The following NETO1 variants were observed in gnomAD, a reference collection of about 807,000 sequenced individuals.
NETO1 encodes neuropilin and tolloid-like protein 1.
In NETO1, 26 loss-of-function variants were observed where a neutral mutation model predicts 61.3. The ratio of observed to expected loss-of-function variants is 0.42; its 90% CI spans 0.31 to 0.59. The LOEUF is 0.59. Ranked by LOEUF, NETO1 falls within the 20% of genes least tolerant of loss-of-function variation. The probability of loss-of-function intolerance (pLI) is 0.12; values close to 1 mark genes in which losing one functional copy is unlikely to be tolerated. For missense variants in NETO1, 531 were observed against 662.8 expected (o/e 0.80, Z 2.18); for synonymous variants, 225 against 225.8 (o/e 1.00, Z 0.03).
chr18:72,762,322 G>A (rs1014759343), intron 7 of NETO1, among the ~76,000 whole-genome samples: 11 of 151,982 alleles, frequency 7.2e-5, no homozygotes, highest in Non-Finnish European at 1.6e-4. Flanking sequence ...CACCACGCCC[G>A]GCTAAACTGA....
At chr18:72,827,500 A>C (rs2073419256) in intron 4 of NETO1, among the ~76,000 whole-genome samples, 2 of 152,314 alleles carry the variant, frequency 1.3e-5, no homozygotes, top group South Asian at 4.1e-4. Context: ...AAATTTGAGA[A>C]ACAAGATTGC....
rs547747057 is a variant in NETO1 at position 72,846,089 on chromosome 18, A to T, written c.469+12737T>A. On this transcript the variant is annotated intron_variant, in intron 4 of 10. Transcript: ENST00000327305. The stretch of plus-strand genomic sequence containing the variant: ...CTGTATCTGGATTTTTTTCCAGAAA[A>T]TGTGAGAGCAAACCAAAAAAATAAA... Among the ~76,000 whole-genome samples the T allele has an allele frequency of 7.9e-5, 12 of 152,006 alleles. No homozygotes were observed. The East Asian group carries it at 2.3e-3, about 30-fold the overall frequency.
chr18:72,789,075 C>G (rs1263070266), intron 6 of NETO1, among the ~76,000 whole-genome samples: 1 of 152,000 alleles, frequency 6.6e-6, no homozygotes, highest in Non-Finnish European at 1.5e-5. Flanking sequence ...TCTGAATTTT[C>G]TATTTTATTA....
intron 4 of NETO1, among the ~76,000 whole-genome samples, chr18:72,822,143 C>A (rs1228096553): frequency 6.6e-6 from 1 of 152,188 alleles, no homozygotes; most frequent in Non-Finnish European, 1.5e-5. Context: ...TCAGCCCTGA[C>A]TTTTCCTTAC....
At chr18:72,867,239 C>T (rs1169570986) in intron 1 of NETO1, 25 bp downstream of exon 1, 7 of 1,530,514 alleles carry the variant, frequency 4.6e-6, no homozygotes, top group East Asian at 5.0e-5. Context: ...CGGGAGCGCA[C>T]GGGCGCGGCG....
intron 6 of NETO1, among the ~76,000 whole-genome samples, chr18:72,787,122 T>C (rs1213183657): frequency 6.7e-6 from 1 of 149,104 alleles, no homozygotes; most frequent in African/African-American, 2.5e-5. Flanking sequence ...CTGAAAACAC[T>C]GTAAAAATCA....
At chr18:72,852,290 C>T (rs1027589992) in intron 4 of NETO1, among the ~76,000 whole-genome samples, 2 of 152,212 alleles carry the variant, frequency 1.3e-5, no homozygotes, top group African/African-American at 4.8e-5. Context: ...TCTCGGCTCA[C>T]TGCAACCTCC....
intron 4 of NETO1, among the ~76,000 whole-genome samples, chr18:72,804,696 T>G (rs980422981): frequency 8.5e-5 from 13 of 152,186 alleles, no homozygotes; most frequent in African/African-American, 3.1e-4. Flanking sequence ...GAACAGGTCA[T>G]GAGCACACGT....
chr18:72,756,662 A>C (rs1057094060), intron 7 of NETO1, among the ~76,000 whole-genome samples: 77 of 152,112 alleles, frequency 5.1e-4, no homozygotes, highest in Non-Finnish European at 1.0e-3. Context: ...ATCATGAAAA[A>C]ATTAATCCTG....
intron 4 of NETO1, among the ~76,000 whole-genome samples, chr18:72,823,819 T>C (rs2073288653): frequency 6.6e-6 from 1 of 152,190 alleles, no homozygotes; most frequent in Admixed American, 6.5e-5. Flanking sequence ...TCTGCCTTCT[T>C]GCCACAAAGA....
Position 72,862,214 on chromosome 18 carries a change from T to C in NETO1, c.220+2594A>G, listed in dbSNP as rs538503561. ...ACTACAATATAATGGTGGCTGGGGC[T>C]CTATCTAAGGTTAATTAAATCAGAA... On this transcript the variant is annotated intron_variant, in intron 3 of 10. Coordinates refer to ENST00000327305, the MANE Select transcript of NETO1 (RefSeq NM_138966.5). Among the ~76,000 whole-genome samples the C allele has an allele frequency of 6.6e-5, 10 of 152,308 alleles. No individual in the cohort carries two copies. The East Asian group carries it at 7.7e-4, about 12-fold the overall frequency.
chr18:72,851,740 G>A (rs8098983), intron 4 of NETO1, among the ~76,000 whole-genome samples: 151,172 of 152,304 alleles, frequency 0.99, 75,031 homozygotes, highest in Middle Eastern at 1. Context: ...TCATGTATCA[G>A]TTAATGGTGA....
intron 4 of NETO1, among the ~76,000 whole-genome samples, chr18:72,806,498 A>G (rs2072679399): frequency 1.3e-5 from 2 of 152,122 alleles, no homozygotes; most frequent in Non-Finnish European, 2.9e-5. Flanking sequence ...TCTTCCTCCA[A>G]TTCTGAAAAA....
At chr18:72,765,568 G>A (rs777869598) in intron 7 of NETO1, among the ~76,000 whole-genome samples, 2 of 152,038 alleles carry the variant, frequency 1.3e-5, no homozygotes, top group Non-Finnish European at 2.9e-5. Context: ...ACAGGCACCT[G>A]TCACTGTGCC....
intron 7 of NETO1, among the ~76,000 whole-genome samples, chr18:72,781,848 G>A (rs1400504299): frequency 6.8e-6 from 1 of 146,020 alleles, no homozygotes; most frequent in East Asian, 2.0e-4. Context: ...ATTTAAAGTT[G>A]TTTTTAACTT....
intron 3 of NETO1, 115 bp downstream of exon 3, chr18:72,864,693 C>A: frequency 1.5e-6 from 2 of 1,310,442 alleles, no homozygotes; most frequent in Non-Finnish European, 2.1e-6. Context: ...GATATTTTTG[C>A]GCATGATCTC....
At chr18:72,781,332 G>A (rs1358753872) in intron 7 of NETO1, among the ~76,000 whole-genome samples, 2 of 152,134 alleles carry the variant, frequency 1.3e-5, no homozygotes, top group Admixed American at 1.3e-4. Flanking sequence ...CCTCACTGAA[G>A]GAATGATTCA....
intron 4 of NETO1, among the ~76,000 whole-genome samples, chr18:72,821,234 T>TAAAAAAAAAAAAAAAAAAAAAAAAA (rs10672110): frequency 1.2e-5 from 1 of 80,220 alleles, no homozygotes; most frequent in Non-Finnish European, 2.3e-5. Context: ...TCATATTAAC[T>TAAAAAAAAAAAAAAAAAAAAAAAAA]AAAAAAAAAA....
intron 4 of NETO1, among the ~76,000 whole-genome samples, chr18:72,838,193 G>A (rs942961806): frequency 7.2e-5 from 11 of 152,192 alleles, no homozygotes; most frequent in Admixed American, 2.0e-4. Flanking sequence ...TAAGAAAGAG[G>A]TTAAAGACAA....
Sources: gnomAD v4.1 joint callset for allele counts (sites outside exome capture counted in the v4.1 genomes callset) on GRCh38, gnomAD v4.1.1 for gene constraint, MANE v1.5 for transcripts, NCBI Gene and HGNC (gene_info 2026-07-23, HGNC 2026-07-21) for gene names.